USP42: variants seen among roughly 807,000 people sequenced by gnomAD.
The protein encoded by USP42 is ubiquitin carboxyl-terminal hydrolase 42.
A neutral mutation model predicts 113.0 loss-of-function variants in USP42; 23 were observed. The observed-to-expected ratio is 0.20, with a 90% CI of 0.15 to 0.29. The LOEUF (loss-of-function observed/expected upper bound fraction) is 0.29, where lower values mean the gene tolerates loss of function less well. Ranked by LOEUF, USP42 falls within the 10% of genes least tolerant of loss-of-function variation. The probability of loss-of-function intolerance (pLI) is 1.00; values close to 1 mark genes in which losing one functional copy is unlikely to be tolerated. For synonymous variants in USP42, 933 were observed against 699.0 expected, an observed-to-expected ratio of 1.33 and a Z score of -5.28; for missense variants, 2,174 against 1,779.8, an observed-to-expected ratio of 1.22 and a Z score of -3.99.
At position 6,154,181 on chromosome 7, in the gene USP42, G is replaced by C; in HGVS notation, c.2627G>C (p.Ser876Thr). ...GAGCAGCCACTCCTTGTTCACCCCA[G>C]CGGGGACCACGCCCGGGACGCTCAG... ...PCEQPLLVHP[S>T]GDHARDAQDP... The change falls in exon 15 of 18, where the codon AGC (serine) becomes ACC (threonine). Residue 876 changes from serine (S) to threonine (T), a missense_variant. Physicochemically the swap from Ser to Thr is moderately conservative, Grantham distance 58 (BLOSUM62 1). Transcript: ENST00000306177. The C allele has an allele frequency of 1.2e-6, 2 of 1,600,382 alleles. No homozygotes were observed. Among genetic ancestry groups the C allele is most frequent in the African/African-American group, 2.7e-5 (2 of 74,894 alleles).
In USP42 at chr7:6,139,785, C is replaced by G; in HGVS notation, c.657-343C>G. ...CATACTTGGGTCGGAGGAAGACTCT[C>G]TGCCTTTTCCGCCTCCGCTCCCTTT... On this transcript the variant is annotated intron_variant, in intron 5 of 17. Transcript: ENST00000306177. This position sits in a 1 kb window ranked among gnomAD's most constrained non-coding sequence, Gnocchi z 4.5. 2.6e-6 allele frequency: 1 copy of G among 383,636 alleles called. No individual in the cohort carries two copies. Among genetic ancestry groups the G allele is most frequent in the Non-Finnish European group, 4.8e-6 (1 of 206,354 alleles). 23.8% of individuals were successfully genotyped at this position (383,636 alleles called of 1,614,324 possible). A position where few individuals can be genotyped will look rare whatever the true frequency, so the allele number is the denominator to read the frequency against.
rs1781332306 is a variant in USP42 at position 6,139,537 on chromosome 7, C to G, written c.656+343C>G. 4.6e-6 allele frequency: 1 copy of G among 215,172 alleles called. No homozygotes were observed. The highest frequency in any genetic ancestry group is 2.3e-5 in the African/African-American group (1 of 42,842). The allele number at this position is 215,172 out of a possible 1,614,324, so 13.3% of individuals were successfully genotyped here. ...TGTGCCTGACATTTTCTTTTCTCTG[C>G]TGCCCTCCAGCCTGTGTTTATTTCC... On this transcript the variant is annotated intron_variant, in intron 5 of 17. Transcript: ENST00000306177. The surrounding 1 kb of genome is among the most constrained non-coding windows in gnomAD (Gnocchi z 4.5).
At chr7:6,152,790 A>G (rs946296436) in intron 14 of USP42, among the ~76,000 whole-genome samples, 8 of 152,178 alleles carry the variant, frequency 5.3e-5, no homozygotes, top group Admixed American at 2.6e-4. Context: ...TTTACTACAG[A>G]ACGTTTTGCT....
intron 14 of USP42, among the ~76,000 whole-genome samples, chr7:6,152,045 A>T (rs1049566206): frequency 2.6e-5 from 4 of 152,178 alleles, no homozygotes; most frequent in Non-Finnish European, 5.9e-5. Flanking sequence ...AAAAAAAATC[A>T]TGTCATGTTA....
chr7:6,145,575 G>C lies in USP42; in HGVS notation c.1050G>C (p.Glu350Asp). ...IRPYMSQPNG[E>D]PIVYVLYAVL... Reference sequence around the variant, plus strand: ...CATATATGTCTCAACCCAACGGAGAGCCAATTGTCTACGTCTTGTATGCAG... The same window carrying C: ...CATATATGTCTCAACCCAACGGAGACCCAATTGTCTACGTCTTGTATGCAG... The change falls in exon 10 of 18, where the codon GAG (glutamate) becomes GAC (aspartate). Residue 350 changes from glutamate (E) to aspartate (D), a missense_variant. Coordinates refer to ENST00000306177, the MANE Select transcript of USP42 (RefSeq NM_032172.3). The C allele has an allele frequency of 6.2e-7, 1 of 1,613,968 alleles. No homozygotes were observed. Among genetic ancestry groups the C allele is most frequent in the East Asian group, 2.2e-5 (1 of 44,890 alleles).
chr7:6,102,803 A>C (rs1427360535), upstream of USP42, among the ~76,000 whole-genome samples: 2 of 151,020 alleles, frequency 1.3e-5, no homozygotes, highest in Non-Finnish European at 2.9e-5. Flanking sequence ...AGGAATTTAG[A>C]CTTTGCTGTG....
chr7:6,084,263 G>A, the USP42 span, among the ~76,000 whole-genome samples: 335 of 151,448 alleles, frequency 2.2e-3, 4 homozygotes, highest in Non-Finnish European at 3.7e-3. Context: ...TTGACCTCAG[G>A]AGATCTGCCC....
intron 3 of USP42, among the ~76,000 whole-genome samples, chr7:6,118,244 C>A (rs1009507175): frequency 2.0e-5 from 3 of 151,852 alleles, no homozygotes; most frequent in Non-Finnish European, 2.9e-5. Context: ...TAAAAAAAAT[C>A]AAAAATTAGG....
intron 1 of USP42, among the ~76,000 whole-genome samples, chr7:6,110,341 G>A (rs575365753): frequency 8.5e-5 from 13 of 152,224 alleles, no homozygotes; most frequent in Non-Finnish European, 5.9e-5. Flanking sequence ...TCTCTCATAC[G>A]TTCTTTATAA....
chr7:6,129,583 A>G (rs1275538734), intron 3 of USP42, among the ~76,000 whole-genome samples: 1 of 148,062 alleles, frequency 6.8e-6, no homozygotes, highest in Non-Finnish European at 1.5e-5. Flanking sequence ...AAAAAGGACG[A>G]GGCGCGGTGG....
intron 3 of USP42, among the ~76,000 whole-genome samples, chr7:6,130,398 C>T (rs1366194488): frequency 1.3e-5 from 2 of 152,188 alleles, no homozygotes; most frequent in Admixed American, 6.5e-5. Flanking sequence ...TTTGTTACCA[C>T]TGAGTGATGG....
intron 2 of USP42, among the ~76,000 whole-genome samples, chr7:6,112,461 A>AG (rs1183254186): frequency 6.6e-6 from 1 of 152,156 alleles, no homozygotes; most frequent in Non-Finnish European, 1.5e-5. Flanking sequence ...AAAAGAAAAA[A>AG]GAAAAAAAAA....
chr7:6,144,539 T>C (rs1272236269), intron 9 of USP42, among the ~76,000 whole-genome samples: 1 of 152,170 alleles, frequency 6.6e-6, no homozygotes, highest in Non-Finnish European at 1.5e-5. Flanking sequence ...CTAAATAGCA[T>C]GCAAGAGAAA....
chr7:6,092,801 C>T, the USP42 span, among the ~76,000 whole-genome samples: 1 of 151,260 alleles, frequency 6.6e-6, no homozygotes, highest in African/African-American at 2.5e-5. Context: ...CTAGGAGACA[C>T]CGGTCCTCAG....
At chr7:6,082,091 G>T in the USP42 span, among the ~76,000 whole-genome samples, 1 of 151,086 alleles carries the variant, frequency 6.6e-6, no homozygotes, top group Admixed American at 6.6e-5. Flanking sequence ...ACATATACGT[G>T]TATGTATGCA....
chr7:6,153,786 G>A lies in USP42; in HGVS notation c.2232G>A (p.Glu744=). 1 of 1,494,350 alleles carries A rather than the reference G, an allele frequency of 6.7e-7. No homozygotes were observed. The allele number at this position is 1,494,350 out of a possible 1,614,324, so 92.6% of individuals were successfully genotyped here. ...CTGGAGCAGAGAGGGGCCCTCCCGA[G>A]GACCGCGACGCCGAGCCTCAGCCTG... ...SAPGAERGPP[E]DRDAEPQPGS... The change falls in exon 15 of 18, where the codon GAG becomes GAA. Residue 744 remains glutamate (E), a synonymous_variant. Transcript: ENST00000306177.
At chr7:6,119,099 T>TAGTTACTTCGGAG (rs1472747129) in intron 3 of USP42, among the ~76,000 whole-genome samples, 1 of 151,160 alleles carries the variant, frequency 6.6e-6, no homozygotes, top group African/African-American at 2.4e-5. Context: ...CCTATAGTCC[T>TAGTTACTTCGGAG]AGTTACTTCG....
At chr7:6,093,071 T>C in the USP42 span, 1 of 150,450 alleles carries the variant, frequency 6.6e-6, no homozygotes, top group Non-Finnish European at 1.5e-5. Context: ...CTGGGACAAG[T>C]CTATTGATTG....
At chr7:6,140,845 C>T (rs1781390725) in intron 6 of USP42, 69 bp from the exon 7 acceptor site, 1 of 859,942 alleles carries the variant, frequency 1.2e-6, no homozygotes, top group Non-Finnish European at 1.9e-6. Flanking sequence ...TGTATTTTGT[C>T]ATTTCAGTAG....
Sources: gnomAD v4.1 joint callset for allele counts (sites outside exome capture counted in the v4.1 genomes callset) on GRCh38, gnomAD v4.1.1 for gene constraint, Gnocchi (gnomAD v3.1) non-coding constraint, MANE v1.5 for transcripts, NCBI Gene and HGNC (gene_info 2026-07-23, HGNC 2026-07-21) for gene names.